The following PRKN variants were observed in gnomAD, a reference collection of about 807,000 sequenced individuals.
The protein encoded by PRKN is parkin RBR E3 ubiquitin protein ligase.
PRKN carries 56 observed loss-of-function variants against 59.5 expected under a neutral mutation model. That is an observed-to-expected ratio of 0.94 (90% confidence interval 0.76 to 1.18). PRKN has a LOEUF of 1.18. PRKN is among the 50% of genes most tolerant of loss of function. PRKN has a pLI of 0.00. For synonymous variants in PRKN, 250 were observed against 222.1 expected (o/e 1.13, Z -1.12); for missense variants, 657 against 596.4 (o/e 1.10, Z -1.06).
At chr6:161,668,026 T>C (rs915180228) in intron 7 of PRKN, among the ~76,000 whole-genome samples, 4 of 152,200 alleles carry the variant, frequency 2.6e-5, no homozygotes, top group Admixed American at 6.5e-5. Context: ...AAAAATTACA[T>C]TGGAATTCTC....
At chr6:161,805,341 G>C (rs1160485208) in intron 6 of PRKN, among the ~76,000 whole-genome samples, 1 of 151,976 alleles carries the variant, frequency 6.6e-6, no homozygotes, top group Non-Finnish European at 1.5e-5. Flanking sequence ...CATCCTCACA[G>C]ACCTTATACC....
At chr6:162,082,310 C>T (rs1779089846) in intron 4 of PRKN, among the ~76,000 whole-genome samples, 1 of 151,994 alleles carries the variant, frequency 6.6e-6, no homozygotes, top group Non-Finnish European at 1.5e-5. Context: ...TGAGGCCTCC[C>T]CAGCCACGTG....
intron 4 of PRKN, among the ~76,000 whole-genome samples, chr6:162,064,092 A>G (rs1464435812): frequency 6.6e-6 from 1 of 152,244 alleles, no homozygotes; most frequent in African/African-American, 2.4e-5. Flanking sequence ...AAAGAGAGCT[A>G]CTGAGTCACA....
intron 5 of PRKN, among the ~76,000 whole-genome samples, chr6:162,053,048 CTG>C (rs1345317795): frequency 9.2e-5 from 14 of 152,254 alleles, no homozygotes; most frequent in African/African-American, 3.4e-4. Flanking sequence ...ACTGGCAAGA[CTG>C]TGTGATACCT....
intron 1 of PRKN, among the ~76,000 whole-genome samples, chr6:162,681,687 A>G (rs1330344499): frequency 6.6e-6 from 1 of 152,148 alleles, no homozygotes; most frequent in Non-Finnish European, 1.5e-5. Flanking sequence ...GCATAAAGCA[A>G]TCAATCAGAT....
At chr6:162,173,262 A>T (rs1158451186) in intron 4 of PRKN, among the ~76,000 whole-genome samples, 1 of 152,144 alleles carries the variant, frequency 6.6e-6, no homozygotes, top group Non-Finnish European at 1.5e-5. Context: ...TTGCCCCCAG[A>T]TTCAGAACTC....
At chr6:162,489,589 A>G (rs541948050) in intron 1 of PRKN, among the ~76,000 whole-genome samples, 9 of 152,208 alleles carry the variant, frequency 5.9e-5, no homozygotes, top group African/African-American at 9.6e-5. Flanking sequence ...CGACAGCATG[A>G]GCTACTTGTG....
At chr6:161,507,676 T>A (rs991089060) in intron 9 of PRKN, among the ~76,000 whole-genome samples, 2 of 152,114 alleles carry the variant, frequency 1.3e-5, no homozygotes, top group African/African-American at 4.8e-5. Context: ...ATATCTTGAC[T>A]CTTCTCTCTG....
chr6:162,366,781 C>G (rs780123443), intron 2 of PRKN, among the ~76,000 whole-genome samples: 1 of 152,050 alleles, frequency 6.6e-6, no homozygotes, highest in Admixed American at 6.6e-5. Context: ...GGTACATAAT[C>G]CCAGCTACTT....
chr6:162,356,883 C>T (rs987484335), intron 2 of PRKN, among the ~76,000 whole-genome samples: 7 of 151,794 alleles, frequency 4.6e-5, no homozygotes, highest in Admixed American at 4.6e-4. Context: ...AAATAATCAT[C>T]TTTTCAAAAA....
At chr6:162,129,501 T>A (rs1037040517) in intron 4 of PRKN, among the ~76,000 whole-genome samples, 3 of 152,146 alleles carry the variant, frequency 2.0e-5, no homozygotes, top group African/African-American at 7.2e-5. Context: ...TTTCTAGAGC[T>A]ATATATTCCT....
intron 2 of PRKN, among the ~76,000 whole-genome samples, chr6:162,328,894 G>T (rs1783436349): frequency 6.6e-6 from 1 of 152,164 alleles, no homozygotes. Flanking sequence ...CTGCTACATG[G>T]CTGGAGTTTC....
rs781518268 is a variant in PRKN at position 161,658,030 on chromosome 6, A to AAAAAAAAAAAAAG, written c.872-88615_872-88614insCTTTTTTTTTTTT. On this transcript the variant is annotated intron_variant, in intron 7 of 11. Coordinates refer to ENST00000366898, the MANE Select transcript of PRKN (RefSeq NM_004562.3). ...GACTCTGTCTCAAAAAAAAAAAAAA[A>AAAAAAAAAAAAAG]AAAAGAAAAGAAAAGAAAAAAACGG... 1.5e-3 allele frequency among the ~76,000 whole-genome samples: 160 copies of AAAAAAAAAAAAAG among 104,838 alleles called. 1 individual carries two copies. Among genetic ancestry groups the AAAAAAAAAAAAAG allele is most frequent in the South Asian group, 9.3e-3 (28 of 3,000 alleles). 68.8% of individuals were successfully genotyped at this position (104,838 alleles called of 152,430 possible).
intron 5 of PRKN, among the ~76,000 whole-genome samples, chr6:162,032,839 G>A (rs186224818): frequency 5.9e-4 from 90 of 152,224 alleles, no homozygotes; most frequent in African/African-American, 1.9e-3. Flanking sequence ...CTCTTCCATT[G>A]AAATGAACCC....
chr6:162,411,952 T>C (rs1788373685), intron 2 of PRKN, among the ~76,000 whole-genome samples: 2 of 152,164 alleles, frequency 1.3e-5, no homozygotes, highest in Admixed American at 1.3e-4. Context: ...TTAAACACAA[T>C]GTCCAACTAT....
rs772863236 is a variant in PRKN, at chr6:162,262,815, A to C, written c.172-50T>G. 22 of 1,593,962 alleles carry C rather than the reference A, an allele frequency of 1.4e-5. No homozygotes were observed. In the South Asian group the frequency reaches 1.9e-4, roughly 14 times the overall value. ...AAAAAAAAAAAAAAGGAAATGTCAA[A>C]CATGAAATGCGAGATAGAGTTTAAC... On this transcript the variant is annotated intron_variant, in intron 2 of 11. Transcript: ENST00000366898.
intron 2 of PRKN, among the ~76,000 whole-genome samples, chr6:162,421,842 T>C (rs1788985523): frequency 6.6e-6 from 1 of 152,224 alleles, no homozygotes; most frequent in Admixed American, 6.5e-5. Context: ...AGGTATTGAC[T>C]GAAGGAGCTA....
In PRKN at chr6:161,475,180, T is replaced by A. The variant is rs1791005249; in HGVS notation, c.1083+73674A>T. On this transcript the variant is annotated intron_variant, in intron 9 of 11. Transcript: ENST00000366898. The surrounding 1 kb of genome is among the most constrained non-coding windows in gnomAD (Gnocchi z 5.3). ...CTGGGATTGCAGGCATAAGCCACCA[T>A]GCCTGACCCACTATTACCTATACTT... Among the ~76,000 whole-genome samples the A allele has an allele frequency of 6.6e-6, 1 of 152,178 alleles. No homozygotes were observed. Among genetic ancestry groups the A allele is most frequent in the Non-Finnish European group, 1.5e-5 (1 of 68,032 alleles).
intron 1 of PRKN, among the ~76,000 whole-genome samples, chr6:162,596,539 T>C (rs1781500370): frequency 6.6e-6 from 1 of 152,148 alleles, no homozygotes; most frequent in Non-Finnish European, 1.5e-5. Context: ...GGCATTGAAA[T>C]AAAGCAATTG....
Sources: allele counts gnomAD v4.1 joint callset (sites outside exome capture counted in the v4.1 genomes callset), GRCh38; gene constraint gnomAD v4.1.1; non-coding constraint Gnocchi (gnomAD v3.1); transcripts MANE v1.5; gene names NCBI Gene and HGNC (gene_info 2026-07-23, HGNC 2026-07-21).